ABTB3: variants seen among roughly 807,000 people sequenced by gnomAD.
ABTB3 encodes the protein ankyrin repeat- and BTB/POZ domain-containing protein 3.
the ABTB3 span, among the ~76,000 whole-genome samples, chr12:107,338,345 C>A: frequency 8.5e-5 from 13 of 152,140 alleles, 1 homozygote; most frequent in East Asian, 1.7e-3. Context: ...TTAATTATTT[C>A]TATTAATATT....
the ABTB3 span, among the ~76,000 whole-genome samples, chr12:107,517,651 A>G: frequency 6.6e-6 from 1 of 152,218 alleles, no homozygotes; most frequent in Non-Finnish European, 1.5e-5. Context: ...GAGTTCACTC[A>G]TGATTTGGCT....
the ABTB3 span, among the ~76,000 whole-genome samples, chr12:107,480,656 C>G: frequency 6.6e-6 from 1 of 152,152 alleles, no homozygotes; most frequent in African/African-American, 2.4e-5. Context: ...GGTCGTGGCT[C>G]TAGTTACAAG....
the ABTB3 span, among the ~76,000 whole-genome samples, chr12:107,627,094 C>A: frequency 6.6e-6 from 1 of 152,214 alleles, no homozygotes; most frequent in South Asian, 2.1e-4. Flanking sequence ...AGGAAAGTCA[C>A]AGTGTGTATT....
the ABTB3 span, among the ~76,000 whole-genome samples, chr12:107,474,613 T>C: frequency 6.6e-6 from 1 of 151,722 alleles, no homozygotes; most frequent in African/African-American, 2.4e-5. Context: ...AGGGGAGGCA[T>C]TGGAGGGAAA....
chr12:107,485,404 A>G, the ABTB3 span, among the ~76,000 whole-genome samples: 64 of 152,318 alleles, frequency 4.2e-4, no homozygotes, highest in East Asian at 0.012. Flanking sequence ...GTTGTAAGTG[A>G]CAATCACATG....
At chr12:107,621,193 C>A in the ABTB3 span, among the ~76,000 whole-genome samples, 1 of 152,188 alleles carries the variant, frequency 6.6e-6, no homozygotes, top group Non-Finnish European at 1.5e-5. Context: ...TAGCGCCCAT[C>A]CTTAGCCCGG....
At chr12:107,554,129 AC>A in the ABTB3 span, among the ~76,000 whole-genome samples, 1 of 152,042 alleles carries the variant, frequency 6.6e-6, no homozygotes, top group African/African-American at 2.4e-5. Flanking sequence ...GTTTAATTTA[AC>A]CCCCACATCA....
chr12:107,488,759 A>G, the ABTB3 span, among the ~76,000 whole-genome samples: 1 of 151,972 alleles, frequency 6.6e-6, no homozygotes, highest in African/African-American at 2.4e-5. Flanking sequence ...TCATTGTGCA[A>G]CCATCACCAC....
chr12:107,482,104 C>A, the ABTB3 span, among the ~76,000 whole-genome samples: 2 of 151,998 alleles, frequency 1.3e-5, no homozygotes, highest in Non-Finnish European at 2.9e-5. Context: ...GGTGGTCCTC[C>A]AGAGAAAATT....
At chr12:107,556,410 T>C in the ABTB3 span, among the ~76,000 whole-genome samples, 13 of 152,178 alleles carry the variant, frequency 8.5e-5, no homozygotes, top group African/African-American at 3.1e-4. Context: ...TCTGTCTTGC[T>C]GATGAGGATC....
At chr12:107,462,535 A>T in the ABTB3 span, among the ~76,000 whole-genome samples, 1 of 152,138 alleles carries the variant, frequency 6.6e-6, no homozygotes, top group East Asian at 1.9e-4. Flanking sequence ...GATAGCAATG[A>T]TGGTGGTAGT....
At chr12:107,371,547 T>A in the ABTB3 span, among the ~76,000 whole-genome samples, 1 of 152,206 alleles carries the variant, frequency 6.6e-6, no homozygotes, top group Non-Finnish European at 1.5e-5. Flanking sequence ...GTTATTCCTT[T>A]ACTAGCAGAG....
the ABTB3 span, among the ~76,000 whole-genome samples, chr12:107,527,509 C>A: frequency 0.11 from 16,456 of 152,092 alleles, 951 homozygotes; most frequent in African/African-American, 0.14. Flanking sequence ...TGAGCTCGAG[C>A]ATTCTGCCCA....
chr12:107,363,492 G>C, the ABTB3 span, among the ~76,000 whole-genome samples: 2 of 152,214 alleles, frequency 1.3e-5, no homozygotes, highest in African/African-American at 2.4e-5. Context: ...GGGAGGATGA[G>C]AACACTAATT....
At chr12:107,562,437 C>T in the ABTB3 span, among the ~76,000 whole-genome samples, 7 of 152,270 alleles carry the variant, frequency 4.6e-5, no homozygotes, top group Non-Finnish European at 7.4e-5. Context: ...AAAGATATTG[C>T]CAGGCAGAGA....
the ABTB3 span, chr12:107,650,656 A>T: frequency 6.6e-6 from 1 of 152,154 alleles, no homozygotes; most frequent in Non-Finnish European, 1.5e-5. Flanking sequence ...CGGCCTCCCG[A>T]GTAGCTAGGA....
chr12:107,547,222 G>T, the ABTB3 span, among the ~76,000 whole-genome samples: 2 of 150,922 alleles, frequency 1.3e-5, no homozygotes, highest in African/African-American at 2.4e-5. Flanking sequence ...GGAGAAGGGG[G>T]AGGGGGAGGG....
chr12:107,565,567 G>A, the ABTB3 span, among the ~76,000 whole-genome samples: 1 of 151,984 alleles, frequency 6.6e-6, no homozygotes, highest in Non-Finnish European at 1.5e-5. Flanking sequence ...CCATACCCCA[G>A]CCAAATCCAA....
the ABTB3 span, among the ~76,000 whole-genome samples, chr12:107,619,616 G>A: frequency 1.3e-5 from 2 of 152,170 alleles, no homozygotes; most frequent in Non-Finnish European, 2.9e-5. Context: ...AGAGGGGATG[G>A]AGCCTATGCA....
Sources: gnomAD v4.1 joint callset for allele counts (sites outside exome capture counted in the v4.1 genomes callset) on GRCh38, gnomAD v4.1.1 for gene constraint, MANE v1.5 for transcripts, NCBI Gene and HGNC (gene_info 2026-07-23, HGNC 2026-07-21) for gene names.